FAM120B: variants seen among roughly 807,000 people sequenced by gnomAD.
FAM120B encodes constitutive coactivator of peroxisome proliferator-activated receptor gamma.
Under a neutral mutation model 96.3 loss-of-function variants are expected in FAM120B, and 83 were observed. The ratio of observed to expected loss-of-function variants is 0.86; its 90% confidence interval spans 0.72 to 1.03. FAM120B has a LOEUF of 1.03. Among genes scored for constraint, FAM120B ranks in the 50% least tolerant of loss-of-function variants. The probability of loss-of-function intolerance (pLI) is 0.00; values close to 1 mark genes in which losing one functional copy is unlikely to be tolerated. For synonymous variants in FAM120B, 407 were observed against 402.7 expected (o/e 1.01, Z -0.13); for missense variants, 1,027 against 1,121.2 (o/e 0.92, Z 1.20).
At chr6:170,400,579 A>G (rs567149605) in intron 9 of FAM120B, among the ~76,000 whole-genome samples, 109 of 152,250 alleles carry the variant, frequency 7.2e-4, no homozygotes, top group Admixed American at 1.5e-3. Flanking sequence ...GCTTCTGATC[A>G]GTGTGGCCTG....
At chr6:170,315,388 T>C (rs546931857) in intron 1 of FAM120B, among the ~76,000 whole-genome samples, 4 of 152,296 alleles carry the variant, frequency 2.6e-5, no homozygotes, top group African/African-American at 9.6e-5. Context: ...CCCTGCCTAC[T>C]CTGTTGGAAT....
intron 4 of FAM120B, among the ~76,000 whole-genome samples, chr6:170,347,523 C>T (rs892554368): frequency 2.6e-5 from 4 of 152,158 alleles, no homozygotes; most frequent in African/African-American, 7.2e-5. Context: ...CTAAAAATTA[C>T]ATTTTAGGAA....
chr6:170,333,169 C>T lies in FAM120B; in HGVS notation c.2017+2619C>T, dbSNP rs538674504. Among the ~76,000 whole-genome samples the T allele has an allele frequency of 2.5e-3, 370 of 149,892 alleles. 1 individual carries two copies. The highest frequency in any genetic ancestry group is 8.2e-3 in the African/African-American group (334 of 40,498). On this transcript the variant is annotated intron_variant, in intron 4 of 10. Transcript: ENST00000476287. ...TTGTACCCCCACCCCACCGCCCCCC[C>T]GCCCCCCGCAATTCCTGTATTGAAA...
At chr6:170,387,690 A>T (rs910703100) in intron 6 of FAM120B, among the ~76,000 whole-genome samples, 2 of 152,380 alleles carry the variant, frequency 1.3e-5, no homozygotes, top group African/African-American at 4.8e-5. Flanking sequence ...CTATCAACCT[A>T]GTGAGATACA....
chr6:170,396,918 C>T (rs1399283966), intron 9 of FAM120B, among the ~76,000 whole-genome samples: 10 of 152,236 alleles, frequency 6.6e-5, no homozygotes, highest in Admixed American at 5.2e-4. Flanking sequence ...GGGCCATTGC[C>T]GCTGCCCTAG....
intron 6 of FAM120B, among the ~76,000 whole-genome samples, chr6:170,374,387 A>C (rs915279788): frequency 6.6e-6 from 1 of 152,238 alleles, no homozygotes; most frequent in African/African-American, 2.4e-5. Flanking sequence ...GTATTTAGGA[A>C]GAACAGGGTG....
At chr6:170,300,843 G>T (rs537898528) in intron 1 of FAM120B, among the ~76,000 whole-genome samples, 4 of 152,212 alleles carry the variant, frequency 2.6e-5, no homozygotes, top group Non-Finnish European at 5.9e-5. Flanking sequence ...GATGCGAGAG[G>T]TGGGCTCCCA....
At chr6:170,399,600 A>G (rs76699840) in intron 9 of FAM120B, among the ~76,000 whole-genome samples, 5 of 140,798 alleles carry the variant, frequency 3.6e-5, no homozygotes, top group African/African-American at 8.1e-5. Flanking sequence ...GGAGTGAGTG[A>G]GGAAGGTAGA....
intron 4 of FAM120B, among the ~76,000 whole-genome samples, chr6:170,346,009 A>C (rs1159435495): frequency 2.6e-5 from 4 of 152,362 alleles, no homozygotes; most frequent in African/African-American, 9.6e-5. Flanking sequence ...TACTGTAGGC[A>C]GCTGTAACAG....
At chr6:170,359,419 A>T (rs1788194418) in intron 6 of FAM120B, among the ~76,000 whole-genome samples, 2 of 151,184 alleles carry the variant, frequency 1.3e-5, no homozygotes, top group African/African-American at 4.8e-5. Flanking sequence ...TCACCTCACA[A>T]CTTATTTTTT....
chr6:170,318,633 A>C lies in FAM120B; in HGVS notation c.1243A>C (p.Met415Leu). 1 of 1,597,752 alleles carries C rather than the reference A, an allele frequency of 6.3e-7. No individual in the cohort carries two copies. The highest frequency in any genetic ancestry group is 1.3e-5 in the African/African-American group (1 of 74,826). ...CCCTGAACCCAGGCAAGAAGTTCCC[A>C]TGTGTACAGGCCCTGAAGCCAGGCA... ...SDPEPRQEVP[M>L]CTGPEARQEV... Residue 415 changes from methionine to leucine, a missense_variant, in exon 2 of 11, where the codon ATG (methionine) becomes CTG (leucine). Met to Leu is a conservative substitution (Grantham distance 15). Coordinates refer to ENST00000476287, the MANE Select transcript of FAM120B (RefSeq NM_032448.3).
intron 5 of FAM120B, among the ~76,000 whole-genome samples, chr6:170,355,245 T>C (rs190075452): frequency 2.4e-4 from 37 of 152,338 alleles, no homozygotes; most frequent in African/African-American, 8.4e-4. Context: ...GAAATCATTC[T>C]ATTGTAAAGA....
chr6:170,307,675 G>C (rs1784370793), intron 1 of FAM120B, among the ~76,000 whole-genome samples: 1 of 152,224 alleles, frequency 6.6e-6, no homozygotes, highest in Non-Finnish European at 1.5e-5. Flanking sequence ...TGGCAGGAAG[G>C]AAGCTAAAGA....
intron 3 of FAM120B, among the ~76,000 whole-genome samples, chr6:170,327,203 T>C (rs923371994): frequency 6.6e-5 from 10 of 152,170 alleles, no homozygotes; most frequent in East Asian, 5.8e-4. Flanking sequence ...CCCGCCACCA[T>C]GCCCGGCTAA....
intron 1 of FAM120B, among the ~76,000 whole-genome samples, chr6:170,296,819 C>T (rs1336890665): frequency 6.6e-6 from 1 of 152,192 alleles, no homozygotes; most frequent in African/African-American, 2.4e-5. Flanking sequence ...CCCTCCGCCT[C>T]CGCGCGGCGG....
chr6:170,290,707 C>A (rs1283600373), upstream of FAM120B: 3 of 339,340 alleles, frequency 8.8e-6, no homozygotes, highest in Non-Finnish European at 1.6e-5. This position sits in a 1 kb window ranked among gnomAD's most constrained non-coding sequence, Gnocchi z 4.7. Context: ...CCCGGTGTCA[C>A]TCGGCGGCGG....
intron 8 of FAM120B, among the ~76,000 whole-genome samples, chr6:170,394,816 G>A (rs1790643969): frequency 6.6e-6 from 1 of 152,266 alleles, no homozygotes; most frequent in African/African-American, 2.4e-5. Context: ...TGCATGTGTG[G>A]TCACGCACTG....
intron 4 of FAM120B, among the ~76,000 whole-genome samples, chr6:170,332,139 T>G (rs1786095338): frequency 6.6e-6 from 1 of 152,228 alleles, no homozygotes. Context: ...GGGCCACATC[T>G]CAAACACACT....
At chr6:170,301,116 T>C (rs536756179) in intron 1 of FAM120B, among the ~76,000 whole-genome samples, 1 of 152,348 alleles carries the variant, frequency 6.6e-6, no homozygotes, top group African/African-American at 2.4e-5. Context: ...CATGAGGGCT[T>C]TGCCCCTGCA....
Sources: gnomAD v4.1 joint callset for allele counts (sites outside exome capture counted in the v4.1 genomes callset) on GRCh38, gnomAD v4.1.1 for gene constraint, Gnocchi (gnomAD v3.1) non-coding constraint, MANE v1.5 for transcripts, NCBI Gene and HGNC (gene_info 2026-07-23, HGNC 2026-07-21) for gene names.